Variants in WASF3 observed in about 807,000 individuals in gnomAD.
WASF3 encodes the protein actin-binding protein WASF3.
A neutral mutation model predicts 46.6 loss-of-function variants in WASF3; 11 were observed. The observed-to-expected ratio is 0.24, with a 90% CI of 0.15 to 0.39. WASF3 has a LOEUF of 0.39. Among genes scored for constraint, WASF3 ranks in the 10% least tolerant of loss-of-function variants. The pLI, the probability that WASF3 is intolerant of heterozygous loss-of-function variation, is 1.00. For synonymous variants in WASF3, 242 were observed against 259.7 expected (o/e 0.93, Z 0.65); for missense variants, 576 against 669.8 (o/e 0.86, Z 1.55).
At chr13:26,663,333 C>T (rs1882684879) in intron 3 of WASF3, among the ~76,000 whole-genome samples, 1 of 152,190 alleles carries the variant, frequency 6.6e-6, no homozygotes, top group African/African-American at 2.4e-5. Context: ...GGAAGGTGTT[C>T]ATAAAGCAAT....
At chr13:26,557,249 G>C (rs566315977), upstream of WASF3, among the ~76,000 whole-genome samples, 13 of 152,280 alleles carry the variant, frequency 8.5e-5, no homozygotes, top group African/African-American at 2.9e-4. Context: ...TCCTCTCAGG[G>C]TTGCCTGAAG....
At chr13:26,650,122 AATT>A (rs1335178281) in intron 3 of WASF3, among the ~76,000 whole-genome samples, 1 of 152,176 alleles carries the variant, frequency 6.6e-6, no homozygotes, top group Non-Finnish European at 1.5e-5. Context: ...CCTCAAAAGA[AATT>A]ATTTCAACAG....
chr13:26,545,084 G>A, the WASF3 span, among the ~76,000 whole-genome samples: 11 of 152,198 alleles, frequency 7.2e-5, no homozygotes, highest in African/African-American at 2.7e-4. Flanking sequence ...GCATCGTGTT[G>A]TTCTTTGCCC....
chr13:26,577,436 G>A, intron 1 of WASF3: 1 of 804,012 alleles, frequency 1.2e-6, no homozygotes, highest in Non-Finnish European at 2.2e-6. Context: ...GAAAGAAGTG[G>A]TCAATAAATT....
chr13:26,557,895 G>A (rs1324690224), intron 1 of WASF3, 76 bp downstream of exon 1: 2 of 288,276 alleles, frequency 6.9e-6, no homozygotes, highest in Non-Finnish European at 1.3e-5. Context: ...CCGGGCGGCT[G>A]TCGGGGGAGG....
At chr13:26,622,809 T>C (rs1424467067) in intron 2 of WASF3, 4 of 152,218 alleles carry the variant, frequency 2.6e-5, no homozygotes, top group Admixed American at 2.6e-4. Context: ...TTTCTTTCTT[T>C]TTTTGTGAAA....
In WASF3 at chr13:26,642,265, T is replaced by G. The variant is rs951799320; in HGVS notation, c.-6T>G. 3 of 1,549,876 alleles carry G rather than the reference T, an allele frequency of 1.9e-6. No individual in the cohort carries two copies. Among genetic ancestry groups the G allele is most frequent in the Non-Finnish European group, 2.6e-6 (3 of 1,155,742 alleles). ...GAATGTGTTTTCAATTTTCAGATTG[T>G]GAACCATGCCTTTAGTGAAGAGGAA... On this transcript the variant is annotated 5_prime_UTR_variant, in exon 3 of 10. Coordinates refer to ENST00000335327, the MANE Select transcript of WASF3 (RefSeq NM_006646.6).
the WASF3 span, among the ~76,000 whole-genome samples, chr13:26,550,513 G>A: frequency 3.3e-5 from 5 of 152,126 alleles, no homozygotes; most frequent in African/African-American, 1.2e-4. Flanking sequence ...TTTATATAAG[G>A]GAAATGGGGG....
intron 1 of WASF3, among the ~76,000 whole-genome samples, chr13:26,583,405 T>C (rs1312875471): frequency 1.3e-5 from 2 of 152,202 alleles, no homozygotes; most frequent in African/African-American, 4.8e-5. Flanking sequence ...CCTTCTCCTA[T>C]AGTGTTTATT....
At chr13:26,650,885 A>G (rs1882294450) in intron 3 of WASF3, among the ~76,000 whole-genome samples, 1 of 152,228 alleles carries the variant, frequency 6.6e-6, no homozygotes, top group Non-Finnish European at 1.5e-5. Flanking sequence ...CATTCAAAAT[A>G]TGGGACCATA....
chr13:26,645,794 A>G (rs907136046), intron 3 of WASF3, among the ~76,000 whole-genome samples: 3 of 152,232 alleles, frequency 2.0e-5, no homozygotes, highest in Non-Finnish European at 4.4e-5. Flanking sequence ...TTTGGAAATA[A>G]CTGATGAGTA....
intron 3 of WASF3, among the ~76,000 whole-genome samples, chr13:26,659,175 A>G (rs1882551739): frequency 6.6e-6 from 1 of 152,204 alleles, no homozygotes; most frequent in African/African-American, 2.4e-5. Flanking sequence ...CTGCTAGGAA[A>G]GCCTCACTTA....
chr13:26,610,219 AG>A (rs2137219628), intron 1 of WASF3, among the ~76,000 whole-genome samples: 1 of 152,186 alleles, frequency 6.6e-6, no homozygotes, highest in Admixed American at 6.5e-5. Flanking sequence ...CCCTTGTCTT[AG>A]TTTAGGTCTT....
rs58237286 is a variant in WASF3 at position 26,633,200 on chromosome 13, C to CTTTTTTTTTTTTTTTT, written c.-10-9060_-10-9045dup. ...AGTTCTGTTTTGATCTTAGTTATTT[C>CTTTTTTTTTTTTTTTT]TTTTTTTTTTTTTTTTCTTGAGGCA... On this transcript the variant is annotated intron_variant, in intron 2 of 9. Coordinates refer to ENST00000335327, the MANE Select transcript of WASF3 (RefSeq NM_006646.6). 5.0e-4 allele frequency among the ~76,000 whole-genome samples: 45 copies of CTTTTTTTTTTTTTTTT among 90,428 alleles called. 3 individuals are homozygous for CTTTTTTTTTTTTTTTT. Among genetic ancestry groups the CTTTTTTTTTTTTTTTT allele is most frequent in the Non-Finnish European group, 6.1e-4 (29 of 47,916 alleles). 59.3% of individuals were successfully genotyped at this position (90,428 alleles called of 152,430 possible).
intron 3 of WASF3, among the ~76,000 whole-genome samples, chr13:26,649,957 G>C (rs1020088189): frequency 1.3e-5 from 2 of 152,098 alleles, no homozygotes; most frequent in African/African-American, 4.8e-5. Context: ...TATAATCCCA[G>C]CTACTCGGGG....
the WASF3 span, among the ~76,000 whole-genome samples, chr13:26,551,796 T>C: frequency 2.7e-4 from 41 of 152,334 alleles, no homozygotes; most frequent in East Asian, 6.2e-3. Flanking sequence ...AGCTGGATTA[T>C]TTTTAAGGGC....
chr13:26,622,846 A>C (rs988389459), intron 2 of WASF3: 4 of 152,260 alleles, frequency 2.6e-5, no homozygotes, highest in Non-Finnish European at 5.9e-5. Context: ...TGTCTTAACA[A>C]AAGAAGAAGC....
intron 3 of WASF3, among the ~76,000 whole-genome samples, chr13:26,661,741 A>G (rs752743030): frequency 3.3e-5 from 5 of 152,140 alleles, no homozygotes; most frequent in East Asian, 1.9e-4. Context: ...CAGGGTTCCA[A>G]TTTCTCCACA....
intron 3 of WASF3, among the ~76,000 whole-genome samples, chr13:26,649,787 CA>C (rs1240047951): frequency 2.6e-5 from 4 of 152,156 alleles, no homozygotes; most frequent in Non-Finnish European, 5.9e-5. Context: ...GACTTTAAAA[CA>C]AGCCCAAAAC....
Sources: allele counts gnomAD v4.1 joint callset (sites outside exome capture counted in the v4.1 genomes callset), GRCh38; gene constraint gnomAD v4.1.1; transcripts MANE v1.5; gene names NCBI Gene and HGNC (gene_info 2026-07-23, HGNC 2026-07-21).